ZNF721: variants seen among roughly 807,000 people sequenced by gnomAD.
The protein encoded by ZNF721 is zinc finger protein 721.
ZNF721 carries 2 observed loss-of-function variants against 2.4 expected under a neutral mutation model. The ratio of observed to expected loss-of-function variants is 0.82; its 90% CI spans 0.34 to 2.58. ZNF721 has a LOEUF of 2.58. ZNF721 is among the 30% of genes most tolerant of loss of function. ZNF721 has a pLI of 0.11. For missense variants in ZNF721, 1,187 were observed against 1,085.5 expected (o/e 1.09, Z -1.31); for synonymous variants, 398 against 381.8 (o/e 1.04, Z -0.50).
At chr4:450,871 A>G (rs1714626449) in intron 2 of ZNF721, among the ~76,000 whole-genome samples, 1 of 144,178 alleles carries the variant, frequency 6.9e-6, no homozygotes, top group Non-Finnish European at 1.5e-5. Flanking sequence ...CAGGAGGCGG[A>G]GCTTGCAGTG....
intron 1 of ZNF721, chr4:474,205 G>A (rs1386450610): frequency 7.3e-6 from 3 of 413,224 alleles, no homozygotes; most frequent in Admixed American, 3.3e-5. Flanking sequence ...GCCTGATTGG[G>A]CAGTTCTCAG....
At chr4:460,627 C>CAAAAAAAAAAAAAAAAACAAA (rs199519505) in intron 2 of ZNF721, among the ~76,000 whole-genome samples, 1 of 101,386 alleles carries the variant, frequency 9.9e-6, no homozygotes, top group African/African-American at 3.6e-5. Flanking sequence ...AAGACCCTTT[C>CAAAAAAAAAAAAAAAAACAAA]AAAAAAAAAA....
chr4:497,481 T>TAA (rs1173703248), intron 1 of ZNF721, among the ~76,000 whole-genome samples: 2 of 152,110 alleles, frequency 1.3e-5, no homozygotes, highest in African/African-American at 4.8e-5. Flanking sequence ...TTCCCAAAGT[T>TAA]AAGGACGCCC....
At chr4:472,144 C>T (rs1199147003) in intron 2 of ZNF721, among the ~76,000 whole-genome samples, 1 of 152,232 alleles carries the variant, frequency 6.6e-6, no homozygotes, top group African/African-American at 2.4e-5. Context: ...CTCACTGCAA[C>T]CTCTGCCTCC....
chr4:485,416 G>C (rs1715868765), intron 1 of ZNF721, among the ~76,000 whole-genome samples: 1 of 151,716 alleles, frequency 6.6e-6, no homozygotes, highest in Non-Finnish European at 1.5e-5. Context: ...AGTATGTGTG[G>C]AACTGGTTTG....
At position 472,600 on chromosome 4, in the gene ZNF721, C is replaced by T. The variant is rs782725449; in HGVS notation, c.9G>A (p.Glu3=). 12 of 1,613,554 alleles carry T rather than the reference C, an allele frequency of 7.4e-6. No homozygotes were observed. The highest frequency in any genetic ancestry group is 1.3e-5 in the African/African-American group (1 of 74,894). ...CTAGGGAGACCAGGTTTCTGTAGTTCTCCAACATCACATCTCTATACAAAT... is the reference window on the plus strand; with the variant it reads ...CTAGGGAGACCAGGTTTCTGTAGTTTTCCAACATCACATCTCTATACAAAT... ML[E]NYRNLVSLAM... The change falls in exon 2 of 3, where the codon GAG becomes GAA. Residue 3 remains glutamate (E), a synonymous_variant. Coordinates refer to ENST00000511833, the MANE Select transcript of ZNF721 (RefSeq NM_133474.4).
chr4:469,657 C>G (rs1303216806), intron 2 of ZNF721, among the ~76,000 whole-genome samples: 2 of 152,106 alleles, frequency 1.3e-5, no homozygotes, highest in Non-Finnish European at 2.9e-5. Flanking sequence ...GGGCATCATA[C>G]TTCTTAATTT....
At chr4:486,815 T>C (rs528143048) in intron 1 of ZNF721, among the ~76,000 whole-genome samples, 1 of 152,382 alleles carries the variant, frequency 6.6e-6, no homozygotes, top group South Asian at 2.1e-4. Flanking sequence ...TCAGCAATTT[T>C]CTCAAATTGT....
In ZNF721 at chr4:477,735, T is replaced by A. The variant is rs548146635; in HGVS notation, c.-93-5034A>T. On this transcript the variant is annotated intron_variant, in intron 1 of 2. Coordinates refer to ENST00000511833, the MANE Select transcript of ZNF721 (RefSeq NM_133474.4). ...ACCAAACAAAACATGCATGCTAAAT[T>A]TGAGCAGAGAGGAGGGGAAATACCT... Among the ~76,000 whole-genome samples the A allele has an allele frequency of 3.9e-5, 6 of 152,116 alleles. No individual in the cohort carries two copies. The South Asian group carries it at 1.2e-3, about 32-fold the overall frequency.
chr4:492,359 G>C (rs1560246160), intron 1 of ZNF721, among the ~76,000 whole-genome samples: 1 of 152,050 alleles, frequency 6.6e-6, no homozygotes. Flanking sequence ...ATTCCCGTTA[G>C]ACCTCTAAGA....
chr4:463,450 T>G (rs1377766047), intron 2 of ZNF721, among the ~76,000 whole-genome samples: 1 of 152,172 alleles, frequency 6.6e-6, no homozygotes, highest in Non-Finnish European at 1.5e-5. Context: ...CAAAGACACA[T>G]GAACACGTAT....
chr4:489,667 G>A (rs1165099562), intron 1 of ZNF721, among the ~76,000 whole-genome samples: 1 of 152,208 alleles, frequency 6.6e-6, no homozygotes, highest in Non-Finnish European at 1.5e-5. Context: ...CTTGAGGTCA[G>A]AGCCCTCATG....
In ZNF721 at chr4:440,872, G is replaced by C. The variant is rs1448548059; in HGVS notation, c.*823C>G. The C allele has an allele frequency of 3.3e-5, 5 of 152,248 alleles. No homozygotes were observed. Among genetic ancestry groups the C allele is most frequent in the African/African-American group, 1.2e-4 (5 of 41,428 alleles). The allele number at this position is 152,248 out of a possible 1,614,324, so 9.4% of individuals were successfully genotyped here. A position where few individuals can be genotyped will look rare whatever the true frequency, so the allele number is the denominator to read the frequency against. On this transcript the variant is annotated 3_prime_UTR_variant, in exon 3 of 3. Coordinates refer to ENST00000511833, the MANE Select transcript of ZNF721 (RefSeq NM_133474.4). Reference sequence around the variant, plus strand: ...GTACAGACGAGGTTTCTCCATATTGGTCAGGCTGTCCTTGAACTCCCGACC... The same window carrying C: ...GTACAGACGAGGTTTCTCCATATTGCTCAGGCTGTCCTTGAACTCCCGACC...
chr4:473,763 G>A (rs1715538939), intron 1 of ZNF721, among the ~76,000 whole-genome samples: 1 of 152,226 alleles, frequency 6.6e-6, no homozygotes, highest in Non-Finnish European at 1.5e-5. Flanking sequence ...GTGCAGGGTT[G>A]CGGCGCAGAG....
chr4:488,022 G>C (rs2108722211), intron 1 of ZNF721, among the ~76,000 whole-genome samples: 1 of 152,302 alleles, frequency 6.6e-6, no homozygotes, highest in Admixed American at 6.5e-5. Context: ...CTCAGCCTTT[G>C]ATTAGCCAAG....
chr4:474,058 C>G, intron 1 of ZNF721: 1 of 1,459,618 alleles, frequency 6.9e-7, no homozygotes, highest in Non-Finnish European at 9.2e-7. Context: ...GCGATGGAGG[C>G]TGAGGCTCTG....
At chr4:488,839 A>T (rs1160629998) in intron 1 of ZNF721, among the ~76,000 whole-genome samples, 2 of 152,064 alleles carry the variant, frequency 1.3e-5, no homozygotes, top group African/African-American at 4.8e-5. Context: ...AAAAAAAAAT[A>T]AAATAAATAA....
In ZNF721 at chr4:499,144, G is replaced by A. The variant is rs879957773; in HGVS notation, c.-182C>T. ...CGCCCGCTGTTCGTATGTCCGAGGT[G>A]ACGCCCCGCTGTGGCGGGCTGGCGG... On this transcript the variant is annotated 5_prime_UTR_variant, in exon 1 of 3. Transcript: ENST00000511833. 3 of 608,582 alleles carry A rather than the reference G, an allele frequency of 4.9e-6. No individual in the cohort carries two copies. Among genetic ancestry groups the A allele is most frequent in the Admixed American group, 3.4e-5 (1 of 29,242 alleles). The allele number at this position is 608,582 out of a possible 1,614,324, so 37.7% of individuals were successfully genotyped here.
chr4:486,492 C>T (rs1308108450), intron 1 of ZNF721, among the ~76,000 whole-genome samples: 3 of 152,150 alleles, frequency 2.0e-5, no homozygotes, highest in Non-Finnish European at 4.4e-5. Context: ...GCTCTAGGCA[C>T]TTGCCCTATA....
Sources: allele counts gnomAD v4.1 joint callset (sites outside exome capture counted in the v4.1 genomes callset), GRCh38; gene constraint gnomAD v4.1.1; transcripts MANE v1.5; gene names NCBI Gene and HGNC (gene_info 2026-07-23, HGNC 2026-07-21).